BRINP1: variants seen among roughly 807,000 people sequenced by gnomAD.
The protein encoded by BRINP1 is BMP/retinoic acid-inducible neural-specific protein 1.
BRINP1 carries 17 observed loss-of-function variants against 72.9 expected under a neutral mutation model. The ratio of observed to expected loss-of-function variants is 0.23; its 90% CI spans 0.16 to 0.35. The LOEUF (loss-of-function observed/expected upper bound fraction) is 0.35. BRINP1 is among the 10% of genes least tolerant of loss of function. The pLI is 1.00. For missense variants in BRINP1, 850 were observed against 1,001.6 expected (o/e 0.85, Z 2.04); for synonymous variants, 418 against 378.5 (o/e 1.10, Z -1.21).
intron 1 of BRINP1, among the ~76,000 whole-genome samples, chr9:119,343,244 G>C (rs551900264): frequency 6.6e-6 from 1 of 152,320 alleles, no homozygotes. Flanking sequence ...CAAACAGATT[G>C]CTCCGCACTG....
intron 5 of BRINP1, among the ~76,000 whole-genome samples, chr9:119,234,205 C>T (rs891087201): frequency 1.3e-5 from 2 of 152,268 alleles, no homozygotes; most frequent in East Asian, 1.9e-4. Flanking sequence ...AAGAATTTTC[C>T]GAAGTGATTG....
chr9:119,208,977 G>A (rs750527228), intron 6 of BRINP1, 36 bp from the exon 7 acceptor site: 1 of 1,547,642 alleles, frequency 6.5e-7, no homozygotes, highest in Non-Finnish European at 8.9e-7. Flanking sequence ...GAAGGGCTAA[G>A]CATGATAACA....
At chr9:119,203,989 A>G (rs2118865890) in intron 7 of BRINP1, among the ~76,000 whole-genome samples, 1 of 152,296 alleles carries the variant, frequency 6.6e-6, no homozygotes, top group Admixed American at 6.5e-5. Context: ...CCGACTTCCA[A>G]GGCTAAGCTG....
At chr9:119,204,046 T>C (rs1829828914) in intron 7 of BRINP1, among the ~76,000 whole-genome samples, 1 of 152,212 alleles carries the variant, frequency 6.6e-6, no homozygotes, top group African/African-American at 2.4e-5. Flanking sequence ...ACTCCCTCTC[T>C]GAGCCCAGCT....
chr9:119,216,612 C>T (rs780178325), intron 5 of BRINP1, among the ~76,000 whole-genome samples: 2 of 152,108 alleles, frequency 1.3e-5, no homozygotes, highest in Non-Finnish European at 2.9e-5. Context: ...TTTAGCTGAT[C>T]CCAATCCCCC....
chr9:119,329,798 A>G (rs1831280637), intron 1 of BRINP1, among the ~76,000 whole-genome samples: 1 of 152,182 alleles, frequency 6.6e-6, no homozygotes, highest in African/African-American at 2.4e-5. Context: ...TATCATTCCT[A>G]TTTCATAGGT....
intron 2 of BRINP1, among the ~76,000 whole-genome samples, chr9:119,269,777 T>C (rs1247718552): frequency 6.6e-6 from 1 of 152,164 alleles, no homozygotes; most frequent in Non-Finnish European, 1.5e-5. Context: ...CATTCAATAT[T>C]TCATTCATTC....
intron 2 of BRINP1, among the ~76,000 whole-genome samples, chr9:119,309,518 T>C (rs1831039563): frequency 1.3e-5 from 2 of 152,194 alleles, no homozygotes; most frequent in South Asian, 4.1e-4. Flanking sequence ...GACTAATATA[T>C]GTATAGTCTT....
Position 119,167,170 on chromosome 9 carries a change from C to T in BRINP1, c.2200G>A (p.Glu734Lys), listed in dbSNP as rs142901470. 5 of 1,614,076 alleles carry T rather than the reference C, an allele frequency of 3.1e-6. No homozygotes were observed. The highest frequency in any genetic ancestry group is 1.1e-5 in the South Asian group (1 of 91,072). The stretch of plus-strand genomic sequence containing the variant: ...AAGGCGTGGTTCACCCTGATGATCT[C>T]GCTGTTGGTCAGTTTCAGGCGGTGT... The part of the protein sequence containing the change: ...LKHRLKLTNS[E>K]IIRVNHALDL... Residue 734 changes from glutamate (E) to lysine (K), a missense_variant, in exon 8 of 8, where the codon GAG becomes AAG. Coordinates refer to ENST00000265922, the MANE Select transcript of BRINP1 (RefSeq NM_014618.3). The surrounding 1 kb of genome is among the most constrained non-coding windows in gnomAD (Gnocchi z 4.3).
Position 119,327,407 on chromosome 9 carries a change from T to C in BRINP1, c.-50-14002A>G, listed in dbSNP as rs1048536364. ...TATGTCCAGCATCTGGAACTAATTATTGGGTAGGTACTGAATCAATATTTA... is the reference window on the plus strand; with the variant it reads ...TATGTCCAGCATCTGGAACTAATTACTGGGTAGGTACTGAATCAATATTTA... On this transcript the variant is annotated intron_variant, in intron 1 of 7. Transcript: ENST00000265922. Among the ~76,000 whole-genome samples, 9 of 152,300 alleles carry C rather than the reference T, an allele frequency of 5.9e-5. No individual in the cohort carries two copies. In the East Asian group the frequency reaches 1.7e-3, roughly 29 times the overall value.
rs11455242 is a variant in BRINP1 at position 119,271,324 on chromosome 9, C to CAAA, written c.219-22177_219-22175dup. On this transcript the variant is annotated intron_variant, in intron 2 of 7. Transcript: ENST00000265922. ...ACTGGGCAGAAGAGACCAGAAGGACCAAAAAAAAAAAAATCAATATGTGGC... is the reference window on the plus strand; with the variant it reads ...ACTGGGCAGAAGAGACCAGAAGGACCAAAAAAAAAAAAAAAATCAATATGTGGC... Among the ~76,000 whole-genome samples the CAAA allele has an allele frequency of 3.7e-4, 53 of 142,700 alleles. No homozygotes were observed. In the East Asian group the frequency reaches 4.7e-3, roughly 13 times the overall value. 93.6% of individuals were successfully genotyped at this position (142,700 alleles called of 152,430 possible).
chr9:119,344,278 GC>G (rs1188606318), intron 1 of BRINP1, among the ~76,000 whole-genome samples: 42 of 152,242 alleles, frequency 2.8e-4, no homozygotes, highest in African/African-American at 9.6e-4. Flanking sequence ...AGTGGTAAAT[GC>G]TCAATAAATA....
In BRINP1 at chr9:119,170,874, C is replaced by A. The variant is rs1332441202; in HGVS notation, c.1146-2650G>T. ...TTTCAACCCAGAATTTCATATCCAG[C>A]CAAACTAAGCTTCATAAGTGAAGGA... On this transcript the variant is annotated intron_variant, in intron 7 of 7. Transcript: ENST00000265922. Among the ~76,000 whole-genome samples, 40 of 145,740 alleles carry A rather than the reference C, an allele frequency of 2.7e-4. No individual in the cohort carries two copies. In the South Asian group the frequency reaches 8.8e-3, roughly 32 times the overall value.
intron 1 of BRINP1, among the ~76,000 whole-genome samples, chr9:119,344,072 G>A (rs1296693087): frequency 6.6e-6 from 1 of 152,112 alleles, no homozygotes; most frequent in Non-Finnish European, 1.5e-5. Context: ...AGAAGCTCAG[G>A]GGAGGAAGCG....
intron 5 of BRINP1, among the ~76,000 whole-genome samples, chr9:119,234,475 T>C (rs1830175671): frequency 6.6e-6 from 1 of 152,216 alleles, no homozygotes; most frequent in African/African-American, 2.4e-5. Context: ...TTTCCCTTTT[T>C]CTTTTTGACT....
intron 7 of BRINP1, among the ~76,000 whole-genome samples, chr9:119,199,468 A>G (rs371394148): frequency 3.3e-5 from 5 of 152,182 alleles, no homozygotes; most frequent in East Asian, 3.9e-4. Flanking sequence ...CCTGAAGTTG[A>G]TGCCCCCAAG....
intron 2 of BRINP1, among the ~76,000 whole-genome samples, chr9:119,266,444 T>C (rs1830548914): frequency 6.6e-6 from 1 of 152,218 alleles, no homozygotes; most frequent in Admixed American, 6.5e-5. Flanking sequence ...TTTAATACAA[T>C]GTGGAATGCT....
intron 1 of BRINP1, among the ~76,000 whole-genome samples, chr9:119,361,280 C>T (rs1019067742): frequency 2.6e-5 from 4 of 152,160 alleles, no homozygotes; most frequent in African/African-American, 7.2e-5. Context: ...TTTTCTCAGC[C>T]TCATTATCTC....
chr9:119,211,389 G>T (rs1359592869), intron 6 of BRINP1, among the ~76,000 whole-genome samples: 2 of 152,034 alleles, frequency 1.3e-5, no homozygotes, highest in Non-Finnish European at 2.9e-5. Flanking sequence ...TAGAGACAGG[G>T]TTTCATCATA....
Sources: gnomAD v4.1 joint callset for allele counts (sites outside exome capture counted in the v4.1 genomes callset) on GRCh38, gnomAD v4.1.1 for gene constraint, Gnocchi (gnomAD v3.1) non-coding constraint, MANE v1.5 for transcripts, NCBI Gene and HGNC (gene_info 2026-07-23, HGNC 2026-07-21) for gene names.